Variants in TOR1AIP1 observed in about 807,000 individuals in gnomAD.
TOR1AIP1 encodes torsin-1A-interacting protein 1.
TOR1AIP1 carries 54 observed loss-of-function variants against 63.3 expected under a neutral mutation model. The observed-to-expected ratio is 0.85, with a 90% CI of 0.69 to 1.07. TOR1AIP1 has a LOEUF of 1.07. TOR1AIP1 is among the 50% of genes least tolerant of loss of function. The probability of loss-of-function intolerance (pLI) is 0.00; values close to 1 mark genes in which losing one functional copy is unlikely to be tolerated. For missense variants in TOR1AIP1, 736 were observed against 715.0 expected, an observed-to-expected ratio of 1.03 and a Z score of -0.33; for synonymous variants, 294 against 273.5, an observed-to-expected ratio of 1.07 and a Z score of -0.74.
rs1402782803 is a variant in TOR1AIP1 at position 179,918,782 on chromosome 1, GAAC to G, written c.*546_*548del. On this transcript the variant is annotated 3_prime_UTR_variant, in exon 10 of 10. Transcript: ENST00000606911. ...TCTTTTGTTTTTTGGAAAATGGAAA[GAAC>G]AAGGCAAGGAAGGAAAATTAATGGG... The G allele has an allele frequency of 6.6e-6, 1 of 152,590 alleles. No homozygotes were observed. The highest frequency in any genetic ancestry group is 2.4e-5 in the African/African-American group (1 of 41,430). The allele number at this position is 152,590 out of a possible 1,614,324, so 9.5% of individuals were successfully genotyped here.
intron 6 of TOR1AIP1, among the ~76,000 whole-genome samples, chr1:179,905,172 C>G (rs185498450): frequency 6.6e-6 from 1 of 151,972 alleles, no homozygotes; most frequent in South Asian, 2.1e-4. Flanking sequence ...GTCAAGAGAC[C>G]GAGACCATCC....
chr1:179,894,927 T>C (rs1648217701), intron 3 of TOR1AIP1, among the ~76,000 whole-genome samples: 1 of 152,204 alleles, frequency 6.6e-6, no homozygotes, highest in Non-Finnish European at 1.5e-5. Flanking sequence ...GCTTTCAAAA[T>C]AACTAGGGAA....
At chr1:179,914,961 A>G (rs1055843446) in intron 9 of TOR1AIP1, among the ~76,000 whole-genome samples, 8 of 152,172 alleles carry the variant, frequency 5.3e-5, no homozygotes, top group African/African-American at 1.9e-4. Flanking sequence ...ATTTTTTAAA[A>G]TATGTATTAA....
rs1002567247 is a variant in TOR1AIP1, at chr1:179,906,741, C to T, written c.797-1082C>T. 7.1e-5 allele frequency among the ~76,000 whole-genome samples: 10 copies of T among 140,018 alleles called. 1 individual carries two copies. The highest frequency in any genetic ancestry group is 2.1e-4 in the Admixed American group (3 of 14,294). The allele number at this position is 140,018 out of a possible 152,430, so 91.9% of individuals were successfully genotyped here. ...AATTACCAATTTTGGTTCCCCCCCCCCCTTTTTTTTTTTTGAGACAGAGTC... is the reference window on the plus strand; with the variant it reads ...AATTACCAATTTTGGTTCCCCCCCCTCCTTTTTTTTTTTTGAGACAGAGTC... On this transcript the variant is annotated intron_variant, in intron 6 of 9. Coordinates refer to ENST00000606911, the MANE Select transcript of TOR1AIP1 (RefSeq NM_015602.4).
chr1:179,884,099 G>A (rs1000329698), intron 1 of TOR1AIP1: 2 of 162,002 alleles, frequency 1.2e-5, no homozygotes, highest in Non-Finnish European at 2.7e-5. Context: ...TTTGGGTGTA[G>A]CAACTGAAGA....
At position 179,882,506 on chromosome 1, in the gene TOR1AIP1, GCGGGCGA is replaced by G. The variant is rs1647734130; in HGVS notation, c.11_17del (p.Asp4GlyfsTer52). Reference sequence around the variant, plus strand: ...GACTAAAGCTACGTCAACAACTATGGCGGGCGACGGGCGGCGGGCAGAGGCGGTGCGG... The same window carrying G: ...GACTAAAGCTACGTCAACAACTATGGCGGGCGGCGGGCAGAGGCGGTGCGG... On this transcript the variant is annotated frameshift_variant, in exon 1 of 10. Coordinates refer to ENST00000606911, the MANE Select transcript of TOR1AIP1 (RefSeq NM_015602.4). LOFTEE classifies it high-confidence loss of function. The G allele has an allele frequency of 2.1e-6, 3 of 1,455,930 alleles. No individual in the cohort carries two copies. Among genetic ancestry groups the G allele is most frequent in the East Asian group, 2.5e-5 (1 of 39,634 alleles). The allele number at this position is 1,455,930 out of a possible 1,614,324, so 90.2% of individuals were successfully genotyped here.
intron 8 of TOR1AIP1, chr1:179,913,552 C>T: frequency 1.4e-6 from 1 of 702,234 alleles, no homozygotes; most frequent in Non-Finnish European, 2.6e-6. Flanking sequence ...AGTCTGTAAT[C>T]CACATTTTGT....
chr1:179,899,377 A>G (rs1311724674), intron 3 of TOR1AIP1, among the ~76,000 whole-genome samples: 1 of 152,134 alleles, frequency 6.6e-6, no homozygotes, highest in East Asian at 1.9e-4. Flanking sequence ...GAAAACAGTG[A>G]CATACATGGA....
chr1:179,901,176 A>C, intron 4 of TOR1AIP1, 126 bp from the exon 5 acceptor site: 1 of 503,652 alleles, frequency 2.0e-6, no homozygotes, highest in Non-Finnish European at 3.4e-6. Context: ...ATAAACAAAC[A>C]GTAGTTCTAT....
intron 3 of TOR1AIP1, among the ~76,000 whole-genome samples, chr1:179,894,886 A>G (rs1412879700): frequency 1.3e-5 from 2 of 152,210 alleles, no homozygotes; most frequent in East Asian, 1.9e-4. Context: ...AGCAAAATCT[A>G]CAGGAGAAAT....
At chr1:179,905,680 C>T (rs562042669) in intron 6 of TOR1AIP1, among the ~76,000 whole-genome samples, 104 of 151,974 alleles carry the variant, frequency 6.8e-4, no homozygotes, top group Admixed American at 1.4e-3. Flanking sequence ...AGTCTGGGGA[C>T]GGTGGCTCAC....
intron 6 of TOR1AIP1, among the ~76,000 whole-genome samples, chr1:179,907,012 C>T (rs1287658091): frequency 6.6e-6 from 1 of 150,954 alleles, no homozygotes; most frequent in Non-Finnish European, 1.5e-5. Flanking sequence ...GCTAGGATTA[C>T]AGGCATGAGC....
At chr1:179,896,821 A>G (rs918603698) in intron 3 of TOR1AIP1, among the ~76,000 whole-genome samples, 1 of 152,206 alleles carries the variant, frequency 6.6e-6, no homozygotes, top group African/African-American at 2.4e-5. Context: ...ATAATTCTTT[A>G]TCTGAGACGT....
At position 179,882,969 on chromosome 1, in the gene TOR1AIP1, C is replaced by A; in HGVS notation, c.467C>A (p.Ser156Tyr). The A allele has an allele frequency of 6.2e-7, 1 of 1,611,108 alleles. No homozygotes were observed. Among genetic ancestry groups the A allele is most frequent in the South Asian group, 1.1e-5 (1 of 90,856 alleles). The change falls in exon 1 of 10, where the codon TCC becomes TAC. Residue 156 changes from serine (S) to tyrosine (Y), a missense_variant. This residue lies in a region of TOR1AIP1 where 464 missense variants were observed against 371.0 expected (regional missense o/e 1.25). Transcript: ENST00000606911. Reference sequence around the variant, plus strand: ...AGGAGAGGGCTGCGGGACTCTCATTCCTCTGAAGGTGAGGACCGCGGAGGT... The same window carrying A: ...AGGAGAGGGCTGCGGGACTCTCATTACTCTGAAGGTGAGGACCGCGGAGGT... Reference protein sequence around the residue: ...MTRRGLRDSHSSEEDEASSQT... With the variant: ...MTRRGLRDSHYSEEDEASSQT...
At chr1:179,883,292 CAGCGAA>C (rs1647800147) in intron 1 of TOR1AIP1, among the ~76,000 whole-genome samples, 2 of 152,216 alleles carry the variant, frequency 1.3e-5, no homozygotes, top group Non-Finnish European at 1.5e-5. Context: ...CACGAGGGGA[CAGCGAA>C]TTACTGCAGG....
chr1:179,915,830 A>G (rs1239409498), intron 9 of TOR1AIP1, among the ~76,000 whole-genome samples: 1 of 152,198 alleles, frequency 6.6e-6, no homozygotes, highest in Non-Finnish European at 1.5e-5. Flanking sequence ...TTAGGATTCT[A>G]AAATCCTAAT....
chr1:179,889,264 G>T (rs780430215), intron 2 of TOR1AIP1, 49 bp from the exon 3 acceptor site: 1 of 1,430,150 alleles, frequency 7.0e-7, no homozygotes, highest in East Asian at 2.3e-5. Context: ...AAGCTAGTAT[G>T]TTTCACATTT....
At chr1:179,885,318 G>A (rs12136091) in intron 2 of TOR1AIP1, among the ~76,000 whole-genome samples, 19,015 of 152,168 alleles carry the variant, frequency 0.12, 1,230 homozygotes, top group Middle Eastern at 0.2. Flanking sequence ...TTGGTAATTT[G>A]TAGTAATATG....
rs769611384 is a variant in TOR1AIP1 at position 179,903,994 on chromosome 1, T to C, written c.768T>C (p.Tyr256=). ...GDKTTRSSSQ[Y]IESFWQSSQS... ...AAACCACCAGATCATCTAGTCAATATATAGAATCATTTTGGCAGTCATCAC... is the reference window on the plus strand; with the variant it reads ...AAACCACCAGATCATCTAGTCAATACATAGAATCATTTTGGCAGTCATCAC... Residue 256 remains tyrosine, a synonymous_variant, in exon 6 of 10, where the codon TAT becomes TAC. Coordinates refer to ENST00000606911, the MANE Select transcript of TOR1AIP1 (RefSeq NM_015602.4). 8 of 1,608,336 alleles carry C rather than the reference T, an allele frequency of 5.0e-6. No individual in the cohort carries two copies. The East Asian group carries it at 1.3e-4, about 27-fold the overall frequency.
Sources: gnomAD v4.1 joint callset for allele counts (sites outside exome capture counted in the v4.1 genomes callset) on GRCh38, gnomAD v4.1.1 for gene constraint, gnomAD v4.1.1 regional missense constraint, MANE v1.5 for transcripts, NCBI Gene and HGNC (gene_info 2026-07-23, HGNC 2026-07-21) for gene names.